Variants in WWOX observed in about 807,000 individuals in gnomAD.
WWOX encodes the protein WW domain-containing oxidoreductase.
WWOX carries 69 observed loss-of-function variants against 46.2 expected under a neutral mutation model. The observed-to-expected ratio is 1.49, with a 90% CI of 1.23 to 1.82. WWOX has a LOEUF of 1.82. Ranked by LOEUF, WWOX falls within the 40% of genes most tolerant of loss-of-function variation. The pLI is 0.00. For missense variants in WWOX, 919 were observed against 542.6 expected, an observed-to-expected ratio of 1.69 and a Z score of -6.89; for synonymous variants, 359 against 202.6, an observed-to-expected ratio of 1.77 and a Z score of -6.56.
intron 8 of WWOX, among the ~76,000 whole-genome samples, chr16:78,676,174 C>G (rs967746595): frequency 1.3e-5 from 2 of 151,864 alleles, no homozygotes; most frequent in Admixed American, 1.3e-4. Flanking sequence ...CGTGTCTTCT[C>G]TATAGCTTGC....
chr16:78,603,670 G>T (rs149453341), intron 8 of WWOX, among the ~76,000 whole-genome samples: 382 of 152,044 alleles, frequency 2.5e-3, no homozygotes, highest in African/African-American at 8.4e-3. Flanking sequence ...CTCCAACCTG[G>T]GCAACAGAGT....
At chr16:78,611,074 A>G (rs991245098) in intron 8 of WWOX, among the ~76,000 whole-genome samples, 1 of 152,232 alleles carries the variant, frequency 6.6e-6, no homozygotes, top group Non-Finnish European at 1.5e-5. Context: ...TTTAACAAGT[A>G]AATGTATATC....
At chr16:78,622,192 C>T (rs2046205840) in intron 8 of WWOX, among the ~76,000 whole-genome samples, 1 of 152,132 alleles carries the variant, frequency 6.6e-6, no homozygotes, top group Non-Finnish European at 1.5e-5. Context: ...ATTCTTCTCT[C>T]CTGCACCAAG....
chr16:78,862,491 C>T (rs2043912683), intron 8 of WWOX, among the ~76,000 whole-genome samples: 2 of 151,786 alleles, frequency 1.3e-5, no homozygotes, highest in South Asian at 2.1e-4. Flanking sequence ...CATACACACA[C>T]ACATTTTTCT....
intron 8 of WWOX, among the ~76,000 whole-genome samples, chr16:78,867,484 T>TTGTGTGTGTGTGTG (rs4035599): frequency 6.7e-6 from 1 of 148,886 alleles, no homozygotes; most frequent in African/African-American, 2.5e-5. Flanking sequence ...TTAAATGATT[T>TTGTGTGTGTGTGTG]TGTGTGTGTG....
At chr16:79,180,282 G>T (rs1202164923) in intron 8 of WWOX, among the ~76,000 whole-genome samples, 1 of 152,140 alleles carries the variant, frequency 6.6e-6, no homozygotes, top group African/African-American at 2.4e-5. Context: ...CAGATAATTT[G>T]CTTAAGTGTG....
chr16:78,375,647 A>T lies in WWOX; in HGVS notation c.517-11213A>T, dbSNP rs1236197930. On this transcript the variant is annotated intron_variant, in intron 5 of 8. Transcript: ENST00000566780. Reference sequence around the variant, plus strand: ...GGTATAACCTTTTTGGAGGACCCTCAGTAAAAAGCTATCAAAATTTAAAAT... The same window carrying T: ...GGTATAACCTTTTTGGAGGACCCTCTGTAAAAAGCTATCAAAATTTAAAAT... Among the ~76,000 whole-genome samples the T allele has an allele frequency of 2.0e-5, 3 of 152,210 alleles. 1 individual carries two copies. The highest frequency in any genetic ancestry group is 4.4e-5 in the Non-Finnish European group (3 of 68,022).
Position 78,466,942 on chromosome 16 carries a change from C to T in WWOX, c.1056+34190C>T, listed in dbSNP as rs969251965. 5.4e-4 allele frequency among the ~76,000 whole-genome samples: 76 copies of T among 139,634 alleles called. 1 individual carries two copies. The highest frequency in any genetic ancestry group is 2.2e-3 in the African/African-American group (75 of 34,068). 91.6% of individuals were successfully genotyped at this position (139,634 alleles called of 152,430 possible). ...GGAAATAATTGGGTTGTATGTAATG[C>T]CCAGTAAAGTAAACAGATCTTAGAG... is the stretch of plus-strand genomic sequence containing the variant. On this transcript the variant is annotated intron_variant, in intron 8 of 8. Coordinates refer to ENST00000566780, the MANE Select transcript of WWOX (RefSeq NM_016373.4).
chr16:78,321,243 T>C (rs115611200), intron 5 of WWOX, among the ~76,000 whole-genome samples: 1 of 150,346 alleles, frequency 6.7e-6, no homozygotes, highest in Non-Finnish European at 1.5e-5. Context: ...AATTCTCTTT[T>C]GTTTAAGGCA....
At chr16:78,149,467 A>G (rs1045627990) in intron 4 of WWOX, among the ~76,000 whole-genome samples, 2 of 152,236 alleles carry the variant, frequency 1.3e-5, no homozygotes, top group Non-Finnish European at 2.9e-5. Flanking sequence ...AGTAAAAGAG[A>G]AGAACATTTG....
At chr16:78,485,917 A>G (rs1213484353) in intron 8 of WWOX, among the ~76,000 whole-genome samples, 14 of 152,246 alleles carry the variant, frequency 9.2e-5, no homozygotes, top group Admixed American at 9.2e-4. Context: ...GGAAGCTTCC[A>G]TGGATACGTT....
intron 6 of WWOX, among the ~76,000 whole-genome samples, chr16:78,419,278 T>G (rs1321190052): frequency 6.6e-6 from 1 of 152,122 alleles, no homozygotes; most frequent in African/African-American, 2.4e-5. Context: ...TTACAGAAAT[T>G]GAAAAGCTGA....
intron 8 of WWOX, among the ~76,000 whole-genome samples, chr16:78,887,061 A>G (rs963367480): frequency 4.5e-5 from 4 of 88,846 alleles, no homozygotes; most frequent in Non-Finnish European, 5.3e-5. Flanking sequence ...CAGTCTGGCT[A>G]TATGTGTGTG....
chr16:78,720,202 C>G (rs1400125392), intron 8 of WWOX, among the ~76,000 whole-genome samples: 1 of 152,048 alleles, frequency 6.6e-6, no homozygotes, highest in South Asian at 2.1e-4. Context: ...TAGACCCTAC[C>G]AGTAAGACTT....
intron 8 of WWOX, among the ~76,000 whole-genome samples, chr16:78,935,572 C>G (rs1015658824): frequency 3.2e-4 from 47 of 144,782 alleles, no homozygotes; most frequent in Middle Eastern, 3.7e-3. Context: ...CACTTGGACA[C>G]AGGAAGGGGA....
At chr16:78,822,593 A>G (rs2051533004) in intron 8 of WWOX, among the ~76,000 whole-genome samples, 1 of 152,222 alleles carries the variant, frequency 6.6e-6, no homozygotes, top group South Asian at 2.1e-4. Context: ...TAAAGTCTTC[A>G]GAGCCTAGAT....
At chr16:79,055,986 C>T (rs1053451268) in intron 8 of WWOX, among the ~76,000 whole-genome samples, 9 of 152,134 alleles carry the variant, frequency 5.9e-5, no homozygotes, top group Admixed American at 5.2e-4. Context: ...ATTCTCTGAT[C>T]TGTTGCCTAA....
At chr16:78,824,758 C>T (rs191060130) in intron 8 of WWOX, among the ~76,000 whole-genome samples, 163 of 152,256 alleles carry the variant, frequency 1.1e-3, no homozygotes, top group African/African-American at 3.7e-3. Context: ...GATTGAGTTA[C>T]CTCGCCCTGG....
intron 8 of WWOX, among the ~76,000 whole-genome samples, chr16:78,662,262 G>A (rs1339050658): frequency 1.3e-5 from 2 of 152,166 alleles, no homozygotes; most frequent in East Asian, 1.9e-4. Context: ...GTACATAGAA[G>A]AATGTTTTAG....
Sources: allele counts gnomAD v4.1 joint callset (sites outside exome capture counted in the v4.1 genomes callset), GRCh38; gene constraint gnomAD v4.1.1; transcripts MANE v1.5; gene names NCBI Gene and HGNC (gene_info 2026-07-23, HGNC 2026-07-21).